XBP1: variants seen among roughly 807,000 people sequenced by gnomAD.
XBP1 encodes X-box-binding protein 1.
In XBP1, 18 loss-of-function variants were observed where a neutral mutation model predicts 34.6. The ratio of observed to expected loss-of-function variants is 0.52; its 90% CI spans 0.36 to 0.77. XBP1 has a LOEUF of 0.77. Among genes scored for constraint, XBP1 ranks in the 30% least tolerant of loss-of-function variants. The pLI, the probability that XBP1 is intolerant of heterozygous loss-of-function variation, is 0.00. For missense variants in XBP1, 422 were observed against 464.6 expected (o/e 0.91, Z 0.84); for synonymous variants, 191 against 193.4 (o/e 0.99, Z 0.11).
At chr22:28,800,475 A>C (rs2031861942) in exon 1 of XBP1, 1 of 1,484,384 alleles carries the variant, frequency 6.7e-7, no homozygotes, top group Non-Finnish European at 8.9e-7. Flanking sequence ...CAGAAGCAGA[A>C]CTTTAGGGGT....
intron 1 of XBP1, among the ~76,000 whole-genome samples, chr22:28,799,706 G>A (rs1161149102): frequency 6.6e-6 from 1 of 152,084 alleles, no homozygotes. Context: ...AATTAACTCA[G>A]AAGAGACACT....
At chr22:28,797,295 C>T in intron 2 of XBP1, 90 bp from the exon 3 acceptor site, 1 of 1,463,230 alleles carries the variant, frequency 6.8e-7, no homozygotes, top group Non-Finnish European at 9.2e-7. Context: ...TCCTTTCCTT[C>T]TTGAACTTTT....
exon 6 of XBP1, chr22:28,795,442 G>T: frequency 6.2e-7 from 1 of 1,600,164 alleles, no homozygotes; most frequent in Non-Finnish European, 8.5e-7. Context: ...TCTCTGAGGG[G>T]CTGAGAGGTG....
intron 3 of XBP1, 41 bp downstream of exon 3, chr22:28,797,036 C>T: frequency 6.4e-7 from 1 of 1,572,594 alleles, no homozygotes; most frequent in Non-Finnish European, 8.6e-7. Flanking sequence ...TCACTTGGAA[C>T]CAGTACTCAC....
chr22:28,799,239 A>T (rs1171063936), intron 1 of XBP1, 86 bp from the exon 2 acceptor site: 1 of 979,258 alleles, frequency 1.0e-6, no homozygotes, highest in East Asian at 2.6e-5. Flanking sequence ...TGGTGCTTTC[A>T]TTTTTATTTA....
At chr22:28,800,431 C>T in exon 1 of XBP1, 1 of 1,482,912 alleles carries the variant, frequency 6.7e-7, no homozygotes, top group East Asian at 2.8e-5. Context: ...GCCTGGCCGG[C>T]CGGGGCTCCG....
chr22:28,796,178 C>T (rs750210501), exon 4 of XBP1: 2 of 1,575,388 alleles, frequency 1.3e-6, no homozygotes, highest in Non-Finnish European at 8.6e-7. Context: ...CGGCCACTGG[C>T]CTCACTTCAT....
chr22:28,800,441 G>A (rs1336290668), exon 1 of XBP1: 7 of 1,473,786 alleles, frequency 4.7e-6, no homozygotes, highest in East Asian at 2.8e-5. Flanking sequence ...CCGGGGCTCC[G>A]GCGGCGGAGG....
rs752398154 is a variant in XBP1 at position 28,799,136 on chromosome 22, ACT to A, written c.243_244del (p.Arg81SerfsTer16). 1 of 1,613,798 alleles carries A rather than the reference ACT, an allele frequency of 6.2e-7. No individual in the cohort carries two copies. The highest frequency in any genetic ancestry group is 8.5e-7 in the Non-Finnish European group (1 of 1,179,904). ...TCGATCTCTGGCAGTCTGAGCTGCTACTCTGTTTTTCAGTTTCCTAGGAAGAG... is the reference window on the plus strand; with the variant it reads ...TCGATCTCTGGCAGTCTGAGCTGCTACTGTTTTTCAGTTTCCTAGGAAGAG... On this transcript the variant is annotated frameshift_variant, in exon 2 of 6. Coordinates refer to ENST00000344347, the Ensembl canonical transcript of XBP1. LOFTEE classifies it high-confidence loss of function.
upstream of XBP1, chr22:28,800,567 AGCGCCCAGCCTCGCC>A (rs1312706324): frequency 6.9e-7 from 1 of 1,459,580 alleles, no homozygotes; most frequent in Admixed American, 2.6e-5. Flanking sequence ...GCAGCCGCCC[AGCGCCCAGCCTCGCC>A]GCGCCCGGCC....
At chr22:28,795,601 G>A (rs772024304) in exon 6 of XBP1, 14 of 1,614,016 alleles carry the variant, frequency 8.7e-6, no homozygotes, top group African/African-American at 1.3e-5. Context: ...ACAGAGAAAG[G>A]GAGGCTGGTA....
upstream of XBP1, chr22:28,800,562 C>T (rs940220536): frequency 1.4e-5 from 21 of 1,461,924 alleles, no homozygotes; most frequent in East Asian, 2.9e-5. Flanking sequence ...GCGCCGCAGC[C>T]GCCCAGCGCC....
chr22:28,796,217 A>C (rs771585557), intron 3 of XBP1, 25 bp from the exon 4 acceptor site: 1 of 1,509,304 alleles, frequency 6.6e-7, no homozygotes, highest in Non-Finnish European at 8.8e-7. Context: ...CAAAGTGAAT[A>C]AACAGCTTCA....
chr22:28,800,356 G>T (rs2031857185), exon 1 of XBP1: 1 of 1,546,178 alleles, frequency 6.5e-7, no homozygotes. Flanking sequence ...TTGCGCGCCT[G>T]GGGCAGCCCC....
exon 5 of XBP1, chr22:28,796,068 A>G: frequency 6.2e-7 from 1 of 1,614,150 alleles, no homozygotes; most frequent in Non-Finnish European, 8.5e-7. Context: ...AAGAGTCAAT[A>G]CCGCCAGAAT....
At chr22:28,798,804 A>G (rs199807058) in intron 2 of XBP1, 6 of 119,328 alleles carry the variant, frequency 5.0e-5, no homozygotes, top group Admixed American at 1.1e-4. Context: ...ATTTTTGGGT[A>G]GAGACGGGAT....
At chr22:28,795,309 G>A in exon 6 of XBP1, 1 of 1,552,012 alleles carries the variant, frequency 6.4e-7, no homozygotes, top group Non-Finnish European at 8.7e-7. Flanking sequence ...TAAGCATCCA[G>A]TAGGCAGGAA....
At chr22:28,800,531 A>T (rs746766382), upstream of XBP1, 2 of 1,485,404 alleles carry the variant, frequency 1.3e-6, no homozygotes, top group South Asian at 1.3e-5. Flanking sequence ...CCATAGCTCC[A>T]GACTACGCAC....
chr22:28,795,491 G>C, exon 6 of XBP1: 1 of 1,614,176 alleles, frequency 6.2e-7, no homozygotes, highest in Non-Finnish European at 8.5e-7. Context: ...TTGGCTCTCT[G>C]TCTCAGAGGG....
Sources: allele counts gnomAD v4.1 joint callset (sites outside exome capture counted in the v4.1 genomes callset), GRCh38; gene constraint gnomAD v4.1.1; transcripts MANE v1.5; gene names NCBI Gene and HGNC (gene_info 2026-07-23, HGNC 2026-07-21).